The following ELAVL2 variants were observed in gnomAD, a reference collection of about 807,000 sequenced individuals.
ELAVL2 encodes the protein ELAV like RNA binding protein 2.
A neutral mutation model predicts 34.6 loss-of-function variants in ELAVL2; 4 were observed. That is an observed-to-expected ratio of 0.12 (90% CI 0.06 to 0.26). ELAVL2 has a LOEUF of 0.26. ELAVL2 is among the 10% of genes least tolerant of loss of function. ELAVL2 has a pLI of 1.00. For missense variants in ELAVL2, 432 were observed against 442.8 expected (o/e 0.98, Z 0.22); for synonymous variants, 193 against 154.8 (o/e 1.25, Z -1.83).
intron 1 of ELAVL2, chr9:23,779,191 A>ATT: frequency 1.0e-6 from 1 of 985,308 alleles, no homozygotes. Flanking sequence ...GAGGTAAAAC[A>ATT]GGAGGTAAGT....
chr9:23,830,615 CA>C, upstream of ELAVL2, among the ~76,000 whole-genome samples: 1 of 148,032 alleles, frequency 6.8e-6, no homozygotes, highest in East Asian at 2.0e-4. Context: ...CACACACACA[CA>C]CACACACACC....
chr9:23,813,843 G>T (rs890983175), intron 1 of ELAVL2, among the ~76,000 whole-genome samples: 6 of 152,020 alleles, frequency 3.9e-5, no homozygotes, highest in Non-Finnish European at 8.8e-5. Context: ...GAGATCAAAC[G>T]AATATAAAAC....
At chr9:23,831,287 C>T (rs973237026), upstream of ELAVL2, among the ~76,000 whole-genome samples, 4 of 152,090 alleles carry the variant, frequency 2.6e-5, no homozygotes, top group African/African-American at 7.2e-5. Context: ...CGCCGCCCTG[C>T]CCCCCACCTC....
intron 2 of ELAVL2, among the ~76,000 whole-genome samples, chr9:23,742,307 G>C (rs571639923): frequency 6.6e-6 from 1 of 152,284 alleles, no homozygotes; most frequent in South Asian, 2.1e-4. Flanking sequence ...GCTATTATGA[G>C]TGGACAAAGT....
chr9:23,761,854 A>G, intron 2 of ELAVL2, 152 bp downstream of exon 2: 1 of 1,120,772 alleles, frequency 8.9e-7, no homozygotes, highest in Non-Finnish European at 1.2e-6. Flanking sequence ...AAAATTTTAA[A>G]CTAAGTTTCA....
chr9:23,814,104 A>T (rs981682966), intron 1 of ELAVL2, among the ~76,000 whole-genome samples: 1 of 152,130 alleles, frequency 6.6e-6, no homozygotes, highest in Non-Finnish European at 1.5e-5. Context: ...AACAACTCAC[A>T]ACTATTTAAA....
Position 23,772,235 on chromosome 9 carries a change from C to T in ELAVL2, c.-15-9986G>A, listed in dbSNP as rs148297732. Among the ~76,000 whole-genome samples, 8 of 152,104 alleles carry T rather than the reference C, an allele frequency of 5.3e-5. No homozygotes were observed. The East Asian group carries it at 1.4e-3, about 26-fold the overall frequency. On this transcript the variant is annotated intron_variant, in intron 1 of 6. Transcript: ENST00000397312. ...CTGATTGGAAATCCTCAAATTAATCCCAGTAGTTGAGTGTTTTCATTAGGT... is the reference window on the plus strand; with the variant it reads ...CTGATTGGAAATCCTCAAATTAATCTCAGTAGTTGAGTGTTTTCATTAGGT...
intron 1 of ELAVL2, among the ~76,000 whole-genome samples, chr9:23,797,758 G>A (rs1320441190): frequency 6.6e-6 from 1 of 151,898 alleles, no homozygotes; most frequent in African/African-American, 2.4e-5. Flanking sequence ...AGAAAACCCC[G>A]CCTCTGCTAA....
intron 3 of ELAVL2, among the ~76,000 whole-genome samples, chr9:23,727,221 A>G (rs2045433377): frequency 6.6e-6 from 1 of 152,122 alleles, no homozygotes; most frequent in African/African-American, 2.4e-5. Flanking sequence ...CATCTCCTTA[A>G]CCAGGAAAAA....
At chr9:23,825,621 G>A (rs966805884) in intron 1 of ELAVL2, among the ~76,000 whole-genome samples, 185 bp downstream of exon 1, 1 of 152,226 alleles carries the variant, frequency 6.6e-6, no homozygotes, top group African/African-American at 2.4e-5. Flanking sequence ...TATTCAGTAC[G>A]CTAAGCATGC....
At chr9:23,696,723 G>A in intron 5 of ELAVL2, among the ~76,000 whole-genome samples, 1 of 151,988 alleles carries the variant, frequency 6.6e-6, no homozygotes, top group East Asian at 1.9e-4. Context: ...ACCCGCCTTG[G>A]CCTCCCAAAG....
At chr9:23,811,569 T>C (rs1305831113) in intron 1 of ELAVL2, among the ~76,000 whole-genome samples, 1 of 152,216 alleles carries the variant, frequency 6.6e-6, no homozygotes, top group Non-Finnish European at 1.5e-5. Flanking sequence ...CCTGCAACTA[T>C]ATTCCCAAAA....
intron 3 of ELAVL2, among the ~76,000 whole-genome samples, chr9:23,727,649 G>C (rs1564114774): frequency 6.6e-6 from 1 of 152,048 alleles, no homozygotes; most frequent in Non-Finnish European, 1.5e-5. Flanking sequence ...GGATCGAGTA[G>C]ATCTACAGTG....
rs75087820 is a variant in ELAVL2, at chr9:23,706,048, T to C, written c.334-977A>G. ...ATGATTGTCCATAAATTCCCAGAAA[T>C]TTGAATGTGTGAACAAGCCCTCATT... is the stretch of plus-strand genomic sequence containing the variant. On this transcript the variant is annotated intron_variant, in intron 3 of 6. Coordinates refer to ENST00000397312, the MANE Select transcript of ELAVL2 (RefSeq NM_004432.5). Among the ~76,000 whole-genome samples the C allele has an allele frequency of 3.9e-5, 6 of 152,326 alleles. No individual in the cohort carries two copies. The East Asian group carries it at 1.2e-3, about 29-fold the overall frequency.
Position 23,711,303 on chromosome 9 carries a change from T to A in ELAVL2, c.334-6232A>T, listed in dbSNP as rs192948686. On this transcript the variant is annotated intron_variant, in intron 3 of 6. Coordinates refer to ENST00000397312, the MANE Select transcript of ELAVL2 (RefSeq NM_004432.5). ...ACAGAACCTTAAATTTTATCGTGAC[T>A]GGATTTGTTGAATGTTTTAAGACTA... 1.1e-3 allele frequency among the ~76,000 whole-genome samples: 160 copies of A among 152,344 alleles called. 1 individual carries two copies. In the Middle Eastern group the frequency reaches 0.014, roughly 13 times the overall value.
intron 3 of ELAVL2, among the ~76,000 whole-genome samples, chr9:23,724,568 A>C (rs1372761606): frequency 3.3e-5 from 5 of 152,186 alleles, no homozygotes; most frequent in Admixed American, 3.3e-4. Context: ...ATTCTACAAA[A>C]CACATGAAGG....
At chr9:23,848,657 C>G in the ELAVL2 span, among the ~76,000 whole-genome samples, 1 of 152,138 alleles carries the variant, frequency 6.6e-6, no homozygotes, top group Non-Finnish European at 1.5e-5. Context: ...GCAATACAAT[C>G]ATTTTTTAAG....
chr9:23,765,074 C>G (rs765856806), intron 1 of ELAVL2: 1 of 1,608,066 alleles, frequency 6.2e-7, no homozygotes. Flanking sequence ...CACAGTCTGA[C>G]TGCCATGTTA....
intron 2 of ELAVL2, among the ~76,000 whole-genome samples, chr9:23,756,166 T>C (rs1238410305): frequency 1.3e-5 from 2 of 152,126 alleles, no homozygotes; most frequent in African/African-American, 4.8e-5. Context: ...CAAAACTAGC[T>C]GTAAAATTCT....
Sources: allele counts gnomAD v4.1 joint callset (sites outside exome capture counted in the v4.1 genomes callset), GRCh38; gene constraint gnomAD v4.1.1; transcripts MANE v1.5; gene names NCBI Gene and HGNC (gene_info 2026-07-23, HGNC 2026-07-21).